The following CLSTN2 variants were observed in gnomAD, a reference collection of about 807,000 sequenced individuals.
CLSTN2 encodes calsyntenin 2.
Under a neutral mutation model 101.2 loss-of-function variants are expected in CLSTN2, and 48 were observed. The ratio of observed to expected loss-of-function variants is 0.47; its 90% CI spans 0.38 to 0.60. CLSTN2 has a LOEUF of 0.60. Among genes scored for constraint, CLSTN2 ranks in the 20% least tolerant of loss-of-function variants. The pLI, the probability that CLSTN2 is intolerant of heterozygous loss-of-function variation, is 0.00. For synonymous variants in CLSTN2, 481 were observed against 463.6 expected, an observed-to-expected ratio of 1.04 and a Z score of -0.48; for missense variants, 1,160 against 1,238.2, an observed-to-expected ratio of 0.94 and a Z score of 0.95.
intron 1 of CLSTN2, among the ~76,000 whole-genome samples, chr3:139,939,382 T>A (rs141425659): frequency 6.6e-6 from 1 of 152,318 alleles, no homozygotes; most frequent in Non-Finnish European, 1.5e-5. Context: ...CTAGAGGGTG[T>A]GGCACTGGGA....
chr3:140,189,931 C>T (rs904581386), intron 2 of CLSTN2, among the ~76,000 whole-genome samples: 2 of 152,166 alleles, frequency 1.3e-5, no homozygotes, highest in East Asian at 3.9e-4. Context: ...ATTTATTTCT[C>T]ACCGCTCTGG....
chr3:140,379,010 A>G (rs956458102), intron 2 of CLSTN2, among the ~76,000 whole-genome samples: 2 of 152,196 alleles, frequency 1.3e-5, no homozygotes, highest in African/African-American at 4.8e-5. Context: ...TGAAGTCTTT[A>G]TCTGTTGTGG....
At chr3:140,242,571 C>G (rs1425299406) in intron 2 of CLSTN2, among the ~76,000 whole-genome samples, 1 of 152,082 alleles carries the variant, frequency 6.6e-6, no homozygotes, top group East Asian at 1.9e-4. Flanking sequence ...TGGCCTGTAC[C>G]CCTACTTTTT....
chr3:140,131,976 G>A (rs1197948468), intron 1 of CLSTN2, among the ~76,000 whole-genome samples: 1 of 152,146 alleles, frequency 6.6e-6, no homozygotes, highest in African/African-American at 2.4e-5. Flanking sequence ...ATAGATCATT[G>A]CAGCCATACT....
At chr3:140,224,665 C>T (rs970162646) in intron 2 of CLSTN2, among the ~76,000 whole-genome samples, 1 of 152,094 alleles carries the variant, frequency 6.6e-6, no homozygotes, top group African/African-American at 2.4e-5. Flanking sequence ...CAGTCATAAC[C>T]ATGGAGTCTT....
intron 2 of CLSTN2, among the ~76,000 whole-genome samples, chr3:140,380,208 G>A (rs1288639863): frequency 6.6e-6 from 1 of 152,210 alleles, no homozygotes; most frequent in East Asian, 1.9e-4. Flanking sequence ...CCAAAAATGT[G>A]TGAGGGGCAG....
chr3:140,298,730 G>A (rs1224168254), intron 2 of CLSTN2, among the ~76,000 whole-genome samples: 1 of 152,172 alleles, frequency 6.6e-6, no homozygotes, highest in Non-Finnish European at 1.5e-5. Context: ...TTGTCCAGTG[G>A]GGCAGCAACT....
At chr3:139,952,333 C>T (rs966913782) in intron 1 of CLSTN2, among the ~76,000 whole-genome samples, 2 of 152,170 alleles carry the variant, frequency 1.3e-5, no homozygotes, top group Non-Finnish European at 2.9e-5. Context: ...AGCTTCTCTG[C>T]AAGCTCCTGC....
At chr3:140,438,809 G>C (rs956701704) in intron 5 of CLSTN2, among the ~76,000 whole-genome samples, 3 of 152,204 alleles carry the variant, frequency 2.0e-5, no homozygotes, top group South Asian at 4.1e-4. Context: ...TTTGAAGTGC[G>C]TGGTTTCTGT....
At chr3:140,370,477 G>A (rs2087840892) in intron 2 of CLSTN2, among the ~76,000 whole-genome samples, 1 of 152,124 alleles carries the variant, frequency 6.6e-6, no homozygotes, top group Non-Finnish European at 1.5e-5. Flanking sequence ...ATATGTAGGA[G>A]AGGGAGGGAG....
rs1307512776 is a variant in CLSTN2, at chr3:140,404,711, G to C, written c.582G>C (p.Gln194His). Residue 194 changes from glutamine (Q) to histidine (H), a missense_variant, in exon 4 of 17, where the codon CAG becomes CAC. Physicochemically the swap from Gln to His is conservative, Grantham distance 24. Coordinates refer to ENST00000458420, the MANE Select transcript of CLSTN2 (RefSeq NM_022131.3). ...IDEDCSPQYSQICNYEIVTTD... is the reference protein window; with the variant it reads ...IDEDCSPQYSHICNYEIVTTD... ...AGGACTGCTCCCCACAGTACAGCCA[G>C]ATCTGCAACTATGAAATCGTCACCA... 1.2e-6 allele frequency: 2 copies of C among 1,614,228 alleles called. No individual in the cohort carries two copies. Among genetic ancestry groups the C allele is most frequent in the South Asian group, 1.1e-5 (1 of 91,086 alleles).
intron 10 of CLSTN2, among the ~76,000 whole-genome samples, chr3:140,548,351 C>T (rs1276084408): frequency 6.6e-6 from 1 of 152,162 alleles, no homozygotes; most frequent in Non-Finnish European, 1.5e-5. Context: ...TTGTTCTAAA[C>T]GTTTTATGGG....
intron 8 of CLSTN2, among the ~76,000 whole-genome samples, chr3:140,518,827 C>T (rs1211699215): frequency 2.6e-5 from 4 of 152,180 alleles, no homozygotes; most frequent in African/African-American, 7.2e-5. Context: ...AGTCCTGCCT[C>T]CTATCTGTCA....
At chr3:140,111,583 T>C (rs2009156142) in intron 1 of CLSTN2, among the ~76,000 whole-genome samples, 1 of 152,122 alleles carries the variant, frequency 6.6e-6, no homozygotes, top group Admixed American at 6.6e-5. Context: ...CCTTCTTATG[T>C]TGGGTGCAGA....
At chr3:140,029,432 C>G (rs2107759121) in intron 1 of CLSTN2, among the ~76,000 whole-genome samples, 1 of 152,194 alleles carries the variant, frequency 6.6e-6, no homozygotes, top group East Asian at 1.9e-4. Flanking sequence ...GTAAAGGAGG[C>G]TGGGAGAAAA....
intron 2 of CLSTN2, among the ~76,000 whole-genome samples, chr3:140,286,733 C>T (rs1002636304): frequency 6.6e-6 from 1 of 152,126 alleles, no homozygotes; most frequent in Non-Finnish European, 1.5e-5. Flanking sequence ...GGAGCCTGCT[C>T]CACTTCACAT....
At chr3:140,223,892 G>T (rs1481703324) in intron 2 of CLSTN2, among the ~76,000 whole-genome samples, 1 of 152,138 alleles carries the variant, frequency 6.6e-6, no homozygotes, top group Admixed American at 6.5e-5. Flanking sequence ...TATTTCAGGT[G>T]ACTCGTGTTC....
chr3:140,045,237 G>C (rs1034812564), intron 1 of CLSTN2, among the ~76,000 whole-genome samples: 17 of 152,058 alleles, frequency 1.1e-4, no homozygotes, highest in African/African-American at 4.1e-4. Flanking sequence ...AGGGATTCAA[G>C]TTCTTCCTGG....
chr3:140,503,509 G>T (rs1043670631), intron 8 of CLSTN2, among the ~76,000 whole-genome samples: 5 of 152,122 alleles, frequency 3.3e-5, no homozygotes, highest in Non-Finnish European at 7.4e-5. Flanking sequence ...TTGTGTGAGT[G>T]CACTCTATGA....
Sources: allele counts gnomAD v4.1 joint callset (sites outside exome capture counted in the v4.1 genomes callset), GRCh38; gene constraint gnomAD v4.1.1; transcripts MANE v1.5; gene names NCBI Gene and HGNC (gene_info 2026-07-23, HGNC 2026-07-21).